STAG1: variants seen among roughly 807,000 people sequenced by gnomAD.
The protein encoded by STAG1 is STAG1 cohesin complex component, also known as cohesin subunit SA-1.
STAG1 carries 26 observed loss-of-function variants against 170.9 expected under a neutral mutation model. The ratio of observed to expected loss-of-function variants is 0.15; its 90% CI spans 0.11 to 0.21. The LOEUF (loss-of-function observed/expected upper bound fraction) is 0.21, where lower values mean the gene tolerates loss of function less well. Ranked by LOEUF, STAG1 falls within the 10% of genes least tolerant of loss-of-function variation. The probability of loss-of-function intolerance (pLI) is 1.00; values close to 1 mark genes in which losing one functional copy is unlikely to be tolerated. For missense variants in STAG1, 964 were observed against 1,509.5 expected, an observed-to-expected ratio of 0.64 and a Z score of 5.99; for synonymous variants, 514 against 497.7, an observed-to-expected ratio of 1.03 and a Z score of -0.44.
intron 12 of STAG1, 88 bp from the exon 13 acceptor site, chr3:136,465,076 A>T (rs1208457544): frequency 1.1e-6 from 1 of 931,316 alleles, no homozygotes; most frequent in Non-Finnish European, 1.6e-6. Flanking sequence ...GTTCATTATA[A>T]AGCTCAAGAC....
chr3:136,490,708 A>G (rs13321721), intron 9 of STAG1, among the ~76,000 whole-genome samples: 25,471 of 152,228 alleles, frequency 0.17, 2,782 homozygotes, highest in Non-Finnish European at 0.24. Flanking sequence ...GAATAAATCT[A>G]TTATGGTATT....
At chr3:136,338,498 CAATG>C (rs769152886) in intron 32 of STAG1, 48 bp from the exon 33 acceptor site, 57 of 1,356,458 alleles carry the variant, frequency 4.2e-5, no homozygotes, top group Middle Eastern at 1.9e-4. Context: ...ATCATTAAGA[CAATG>C]AATTGTGATA....
At chr3:136,684,095 A>C (rs1942430940) in intron 1 of STAG1, among the ~76,000 whole-genome samples, 1 of 152,250 alleles carries the variant, frequency 6.6e-6, no homozygotes, top group South Asian at 2.1e-4. Context: ...TCAAGATGTC[A>C]GTTCTTCTCA....
At chr3:136,505,371 G>C (rs569448887) in intron 7 of STAG1, among the ~76,000 whole-genome samples, 1 of 152,268 alleles carries the variant, frequency 6.6e-6, no homozygotes, top group East Asian at 1.9e-4. Context: ...CTGCAAATGG[G>C]TGCTGACCAC....
intron 3 of STAG1, among the ~76,000 whole-genome samples, chr3:136,618,494 A>C (rs1939695568): frequency 6.6e-6 from 1 of 152,220 alleles, no homozygotes; most frequent in Non-Finnish European, 1.5e-5. Flanking sequence ...CTTTATATAC[A>C]ACATTATTTA....
rs572532938 is a variant in STAG1, at chr3:136,723,117, G to A, written c.-84+29078C>T. Among the ~76,000 whole-genome samples, 8 of 152,284 alleles carry A rather than the reference G, an allele frequency of 5.3e-5. No homozygotes were observed. In the South Asian group the frequency reaches 8.3e-4, roughly 16 times the overall value. On this transcript the variant is annotated intron_variant, in intron 1 of 33. Coordinates refer to ENST00000383202, the MANE Select transcript of STAG1 (RefSeq NM_005862.3). ...GCAGCCTCTGCCCGGCCGCAACGCC[G>A]TCTGGGAAGTGAGGAGCATCTCTGC...
chr3:136,399,858 A>G (rs565144766), intron 21 of STAG1, among the ~76,000 whole-genome samples: 7 of 152,306 alleles, frequency 4.6e-5, no homozygotes, highest in African/African-American at 1.7e-4. Context: ...AATGTTTATA[A>G]AATACTTATT....
At chr3:136,553,964 A>C (rs1024859572) in intron 5 of STAG1, among the ~76,000 whole-genome samples, 1 of 152,208 alleles carries the variant, frequency 6.6e-6, no homozygotes, top group African/African-American at 2.4e-5. Context: ...ACTAAAAGAC[A>C]GACTGAATTA....
chr3:136,538,577 C>T (rs1262069071), intron 6 of STAG1, among the ~76,000 whole-genome samples: 1 of 152,056 alleles, frequency 6.6e-6, no homozygotes, highest in African/African-American at 2.4e-5. Flanking sequence ...TGCCACCACT[C>T]CTGGCAAATT....
At chr3:136,631,019 T>G in intron 1 of STAG1, 38 bp from the exon 2 acceptor site, 6 of 982,266 alleles carry the variant, frequency 6.1e-6, no homozygotes, top group Non-Finnish European at 8.9e-6. Context: ...TAAAATAAAA[T>G]GAGGATGACA....
At chr3:136,478,507 C>G (rs1455134526) in intron 9 of STAG1, among the ~76,000 whole-genome samples, 1 of 152,116 alleles carries the variant, frequency 6.6e-6, no homozygotes, top group African/African-American at 2.4e-5. Flanking sequence ...GATCAATCTT[C>G]AAGGTTTCTG....
intron 6 of STAG1, among the ~76,000 whole-genome samples, chr3:136,541,144 C>T (rs1456989603): frequency 1.3e-5 from 2 of 152,018 alleles, no homozygotes; most frequent in African/African-American, 2.4e-5. Flanking sequence ...GTTTGTATGA[C>T]GTTTTCCAAG....
At chr3:136,492,399 G>A (rs765315592) in intron 9 of STAG1, among the ~76,000 whole-genome samples, 2 of 152,132 alleles carry the variant, frequency 1.3e-5, no homozygotes, top group Non-Finnish European at 2.9e-5. Flanking sequence ...ACTCAAGAAA[G>A]GTGAGTCATT....
intron 3 of STAG1, among the ~76,000 whole-genome samples, chr3:136,618,860 A>C (rs1288215315): frequency 6.6e-6 from 1 of 152,170 alleles, no homozygotes; most frequent in African/African-American, 2.4e-5. Context: ...ATACACACTA[A>C]ACTATTAGAA....
chr3:136,380,733 G>A (rs1469843145), intron 22 of STAG1, among the ~76,000 whole-genome samples: 1 of 151,718 alleles, frequency 6.6e-6, no homozygotes, highest in Non-Finnish European at 1.5e-5. Flanking sequence ...AAAAACACAG[G>A]AACAGGCCAG....
intron 5 of STAG1, among the ~76,000 whole-genome samples, chr3:136,554,646 G>C (rs1936535704): frequency 2.0e-5 from 3 of 152,104 alleles, no homozygotes; most frequent in Non-Finnish European, 2.9e-5. Context: ...TGTAATCCCA[G>C]CATATTGTGA....
At chr3:136,514,483 C>A (rs1934243695) in intron 7 of STAG1, among the ~76,000 whole-genome samples, 2 of 152,190 alleles carry the variant, frequency 1.3e-5, no homozygotes, top group Non-Finnish European at 2.9e-5. Flanking sequence ...ACTAGTTCAA[C>A]CATTGTGGAA....
At chr3:136,573,429 G>T (rs1336587525) in intron 4 of STAG1, among the ~76,000 whole-genome samples, 1 of 151,792 alleles carries the variant, frequency 6.6e-6, no homozygotes, top group East Asian at 1.9e-4. Context: ...GCAACCAAAG[G>T]GTACACACAT....
chr3:136,553,738 C>T (rs1255678416), intron 5 of STAG1, among the ~76,000 whole-genome samples: 3 of 152,248 alleles, frequency 2.0e-5, no homozygotes, highest in Admixed American at 6.5e-5. Context: ...CGCGCCACTG[C>T]GCTCCAGCCT....
Sources: allele counts gnomAD v4.1 joint callset (sites outside exome capture counted in the v4.1 genomes callset), GRCh38; gene constraint gnomAD v4.1.1; transcripts MANE v1.5; gene names NCBI Gene and HGNC (gene_info 2026-07-23, HGNC 2026-07-21).